The following SCARB1 variants were observed in gnomAD, a reference collection of about 807,000 sequenced individuals.
SCARB1 encodes the protein scavenger receptor class B member 1.
SCARB1 carries 30 observed loss-of-function variants against 57.2 expected under a neutral mutation model. The ratio of observed to expected loss-of-function variants is 0.52; its 90% CI spans 0.39 to 0.71. The LOEUF (loss-of-function observed/expected upper bound fraction) is 0.71, where lower values mean the gene tolerates loss of function less well. Ranked by LOEUF, SCARB1 falls within the 30% of genes least tolerant of loss-of-function variation. The probability of loss-of-function intolerance (pLI) is 0.00; values close to 1 mark genes in which losing one functional copy is unlikely to be tolerated. For synonymous variants in SCARB1, 249 were observed against 268.3 expected (o/e 0.93, Z 0.70); for missense variants, 543 against 671.2 (o/e 0.81, Z 2.11).
Position 124,863,582 on chromosome 12 carries a change from C to A in SCARB1, c.126+13G>T. On this transcript the variant is annotated intron_variant, in intron 1 of 12. Coordinates refer to ENST00000261693, the MANE Select transcript of SCARB1 (RefSeq NM_005505.5). The stretch of plus-strand genomic sequence containing the variant: ...GGTCCGTGCGCGGACCCCCTGGGGT[C>A]TCCCTCACCCACCTTAAGGACCTGC... The A allele has an allele frequency of 6.2e-7, 1 of 1,601,202 alleles. No homozygotes were observed. The highest frequency in any genetic ancestry group is 8.5e-7 in the Non-Finnish European group (1 of 1,174,092).
rs76156930 is a variant in SCARB1, at chr12:124,826,785, A to C, written c.127-9078T>G. 7.3e-3 allele frequency among the ~76,000 whole-genome samples: 1,115 copies of C among 152,240 alleles called. 15 individuals are homozygous for C. Among genetic ancestry groups the C allele is most frequent in the African/African-American group, 0.025 (1,054 of 41,520 alleles). ...TCAATTTTTATTTTTAAAGAAAAAAAAATCTTGAGTGAAGAAAAGGCTAAA... is the reference window on the plus strand; with the variant it reads ...TCAATTTTTATTTTTAAAGAAAAAACAATCTTGAGTGAAGAAAAGGCTAAA... On this transcript the variant is annotated intron_variant, in intron 1 of 12. Coordinates refer to ENST00000261693, the MANE Select transcript of SCARB1 (RefSeq NM_005505.5).
Position 124,791,838 on chromosome 12 carries a change from C to T in SCARB1, c.1202+3357G>A, listed in dbSNP as rs1005298807. 3.3e-5 allele frequency among the ~76,000 whole-genome samples: 5 copies of T among 152,066 alleles called. No homozygotes were observed. The South Asian group carries it at 1.0e-3, about 32-fold the overall frequency. ...GGGCGTGGTGGCGGGCACCTGTAATCCCAGCTACGCGGGAGGCTGAGGCAG... is the reference window on the plus strand; with the variant it reads ...GGGCGTGGTGGCGGGCACCTGTAATTCCAGCTACGCGGGAGGCTGAGGCAG... On this transcript the variant is annotated intron_variant, in intron 9 of 12. Coordinates refer to ENST00000261693, the MANE Select transcript of SCARB1 (RefSeq NM_005505.5).
intron 11 of SCARB1, 100 bp from the exon 12 acceptor site, chr12:124,782,911 A>G: frequency 1.6e-6 from 2 of 1,275,752 alleles, no homozygotes; most frequent in South Asian, 1.2e-5. Flanking sequence ...GAAACAGGAA[A>G]GGCACATAAG....
chr12:124,840,772 G>A (rs1594361025), intron 1 of SCARB1, among the ~76,000 whole-genome samples: 1 of 150,806 alleles, frequency 6.6e-6, no homozygotes, highest in East Asian at 2.0e-4. Context: ...TTTCCATTTA[G>A]AAAACTACCC....
intron 8 of SCARB1, among the ~76,000 whole-genome samples, chr12:124,797,768 G>C (rs946209407): frequency 1.3e-5 from 2 of 152,368 alleles, no homozygotes; most frequent in African/African-American, 4.8e-5. Context: ...GACCAGGGCT[G>C]GGGCCGGGGC....
intron 9 of SCARB1, among the ~76,000 whole-genome samples, chr12:124,791,328 G>A (rs1566142801): frequency 6.6e-6 from 1 of 152,168 alleles, no homozygotes; most frequent in Admixed American, 6.6e-5. Context: ...CGAGCCTGCG[G>A]TGGCCTTGGG....
intron 1 of SCARB1, among the ~76,000 whole-genome samples, chr12:124,844,550 G>A (rs1566244740): frequency 6.6e-6 from 1 of 151,966 alleles, no homozygotes; most frequent in Non-Finnish European, 1.5e-5. Context: ...CCTTTAAATC[G>A]GTGATTACGT....
chr12:124,840,214 C>G lies in SCARB1; in HGVS notation c.127-22507G>C, dbSNP rs571058822. 1.4e-3 allele frequency among the ~76,000 whole-genome samples: 205 copies of G among 151,596 alleles called. 3 individuals are homozygous for G. The highest frequency in any genetic ancestry group is 1.5e-3 in the South Asian group (7 of 4,808). ...TTTTTTTTTTTAAGACAGAGTCTTG[C>G]TCTGTTGCCCAGGCTGGAGTACAGT... On this transcript the variant is annotated intron_variant, in intron 1 of 12. Coordinates refer to ENST00000261693, the MANE Select transcript of SCARB1 (RefSeq NM_005505.5).
intron 12 of SCARB1, among the ~76,000 whole-genome samples, chr12:124,781,926 G>C (rs1050190476): frequency 6.6e-6 from 1 of 151,930 alleles, no homozygotes; most frequent in African/African-American, 2.4e-5. Flanking sequence ...ATTTTTTTGA[G>C]ACGGAGTCTC....
At chr12:124,792,077 A>T (rs1420432821) in intron 9 of SCARB1, among the ~76,000 whole-genome samples, 1 of 152,088 alleles carries the variant, frequency 6.6e-6, no homozygotes, top group Non-Finnish European at 1.5e-5. Flanking sequence ...ACGAAACACG[A>T]TGGGGAGACA....
intron 7 of SCARB1, among the ~76,000 whole-genome samples, chr12:124,806,408 A>G (rs1950325828): frequency 1.3e-5 from 2 of 152,168 alleles, no homozygotes; most frequent in Non-Finnish European, 2.9e-5. Context: ...CAGGGGACCG[A>G]CGCCAACAGC....
intron 1 of SCARB1, among the ~76,000 whole-genome samples, chr12:124,831,455 C>G (rs902130017): frequency 3.3e-5 from 5 of 152,122 alleles, no homozygotes; most frequent in Admixed American, 1.3e-4. Context: ...GGGTACTCTT[C>G]AGATGTTCAA....
intron 1 of SCARB1, among the ~76,000 whole-genome samples, chr12:124,856,730 C>T (rs991328435): frequency 7.9e-5 from 12 of 152,206 alleles, no homozygotes; most frequent in Non-Finnish European, 1.5e-4. Flanking sequence ...TAGGTGGAGA[C>T]ACTGGGCCTC....
At chr12:124,848,577 G>A (rs1952257679) in intron 1 of SCARB1, among the ~76,000 whole-genome samples, 1 of 152,252 alleles carries the variant, frequency 6.6e-6, no homozygotes, top group African/African-American at 2.4e-5. Flanking sequence ...GAGAGAGGAT[G>A]CACATGCAGC....
intron 1 of SCARB1, among the ~76,000 whole-genome samples, chr12:124,844,821 T>TTTC (rs1566245381): frequency 2.7e-5 from 4 of 146,462 alleles, no homozygotes; most frequent in African/African-American, 4.9e-5. Flanking sequence ...TTCTTTCTTT[T>TTTC]TTTTTTTTTT....
Position 124,862,766 on chromosome 12 carries a change from T to C in SCARB1, c.126+829A>G, listed in dbSNP as rs536084870. 3.9e-5 allele frequency among the ~76,000 whole-genome samples: 6 copies of C among 152,080 alleles called. No individual in the cohort carries two copies. The East Asian group carries it at 1.2e-3, about 29-fold the overall frequency. ...TGCAATCTCCCAGCCCTTCCCTAAC[T>C]CCAGGCTCATTCAAACAGGCCACCC... On this transcript the variant is annotated intron_variant, in intron 1 of 12. Coordinates refer to ENST00000261693, the MANE Select transcript of SCARB1 (RefSeq NM_005505.5).
chr12:124,844,280 C>T (rs11057852), intron 1 of SCARB1, among the ~76,000 whole-genome samples: 8,927 of 152,162 alleles, frequency 0.059, 310 homozygotes, highest in African/African-American at 0.092. Context: ...CACGAGTTAC[C>T]GTGCATGGCA....
chr12:124,839,761 C>T (rs71458868), intron 1 of SCARB1: 2 of 620 alleles, frequency 3.2e-3, no homozygotes, highest in African/African-American at 0.017. Context: ...TTTCTCCGCA[C>T]CCTCACCCCA....
At chr12:124,837,534 G>GAAAAGAAAAGAAAAGA (rs1387607740) in intron 1 of SCARB1, among the ~76,000 whole-genome samples, 2 of 79,410 alleles carry the variant, frequency 2.5e-5, no homozygotes, top group African/African-American at 1.1e-4. Context: ...GAAAGAAAAA[G>GAAAAGAAAAGAAAAGA]AAAGAAAAGA....
Sources: allele counts gnomAD v4.1 joint callset (sites outside exome capture counted in the v4.1 genomes callset), GRCh38; gene constraint gnomAD v4.1.1; transcripts MANE v1.5; gene names NCBI Gene and HGNC (gene_info 2026-07-23, HGNC 2026-07-21).